RXRA: variants seen among roughly 807,000 people sequenced by gnomAD.
RXRA encodes retinoid X receptor alpha.
Under a neutral mutation model 44.5 loss-of-function variants are expected in RXRA, and 5 were observed. That is an observed-to-expected ratio of 0.11 (90% CI 0.06 to 0.24). RXRA has a LOEUF of 0.24. RXRA is among the 10% of genes least tolerant of loss of function. The probability of loss-of-function intolerance (pLI) is 1.00; values close to 1 mark genes in which losing one functional copy is unlikely to be tolerated. For synonymous variants in RXRA, 291 were observed against 271.4 expected, an observed-to-expected ratio of 1.07 and a Z score of -0.71; for missense variants, 412 against 646.5, an observed-to-expected ratio of 0.64 and a Z score of 3.93.
chr9:134,417,531 A>G lies in RXRA; in HGVS notation c.780+204A>G, dbSNP rs542439596. Among the ~76,000 whole-genome samples the G allele has an allele frequency of 2.8e-4, 43 of 152,074 alleles. No homozygotes were observed. Among genetic ancestry groups the G allele is most frequent in the African/African-American group, 9.6e-4 (40 of 41,504 alleles). On this transcript the variant is annotated intron_variant, in intron 5 of 9. Transcript: ENST00000481739. This position sits in a 1 kb window ranked among gnomAD's most constrained non-coding sequence, Gnocchi z 6.1. Reference sequence around the variant, plus strand: ...GGGCGGCACTCTCCTCTCCTGGCCCATGCACGAGTAGCCCATGGGGCAGGG... The same window carrying G: ...GGGCGGCACTCTCCTCTCCTGGCCCGTGCACGAGTAGCCCATGGGGCAGGG...
intron 1 of RXRA, among the ~76,000 whole-genome samples, chr9:134,330,233 C>T (rs894606114): frequency 3.2e-4 from 49 of 152,202 alleles, no homozygotes; most frequent in African/African-American, 1.0e-3. Flanking sequence ...CCCTGGGACC[C>T]GGGCTTTGCA....
At chr9:134,339,892 AGCCTGTGTGT>A (rs1443145699) in intron 1 of RXRA, among the ~76,000 whole-genome samples, 1 of 147,458 alleles carries the variant, frequency 6.8e-6, no homozygotes, top group African/African-American at 2.5e-5. Flanking sequence ...CCCTTGTGTG[AGCCTGTGTGT>A]GTCTGTGTGT....
intron 1 of RXRA, among the ~76,000 whole-genome samples, chr9:134,387,158 A>G (rs1830732156): frequency 6.6e-6 from 1 of 152,166 alleles, no homozygotes; most frequent in Non-Finnish European, 1.5e-5. Flanking sequence ...GAGGGTCCCC[A>G]CACCCATCCT....
intron 4 of RXRA, among the ~76,000 whole-genome samples, chr9:134,412,568 G>A (rs142310145): frequency 7.0e-4 from 106 of 152,350 alleles, no homozygotes; most frequent in Non-Finnish European, 1.1e-3. Context: ...AATGGGGCCT[G>A]CACGCGCAGG....
In RXRA at chr9:134,359,705, G is replaced by A. The variant is rs1041997837; in HGVS notation, c.28+33046G>A. 6.3e-4 allele frequency among the ~76,000 whole-genome samples: 95 copies of A among 151,920 alleles called. 1 individual carries two copies. Among genetic ancestry groups the A allele is most frequent in the African/African-American group, 1.9e-3 (80 of 41,522 alleles). ...CACACAGGCTGAGGGCAGGGGAAGC[G>A]TGGCCCTGGAGCCACGTGTGGCCCT... On this transcript the variant is annotated intron_variant, in intron 1 of 9. Coordinates refer to ENST00000481739, the MANE Select transcript of RXRA (RefSeq NM_002957.6).
At chr9:134,386,234 C>T (rs897913455) in intron 1 of RXRA, among the ~76,000 whole-genome samples, 10 of 152,266 alleles carry the variant, frequency 6.6e-5, no homozygotes, top group Non-Finnish European at 1.0e-4. Flanking sequence ...GCTGCATCAC[C>T]CGAGGCTGTG....
At chr9:134,431,356 G>T (rs35603635) in intron 7 of RXRA, among the ~76,000 whole-genome samples, 4,813 of 152,332 alleles carry the variant, frequency 0.032, 109 homozygotes, top group East Asian at 0.1. Context: ...GAGGCTGGTG[G>T]ATTTTTTTTC....
intron 4 of RXRA, among the ~76,000 whole-genome samples, chr9:134,415,301 C>T (rs3118541): frequency 0.7 from 106,823 of 151,988 alleles, 37,720 homozygotes; most frequent in African/African-American, 0.76. Context: ...ACCCTGGGCC[C>T]GGGGGTGTGA....
chr9:134,362,641 C>T (rs552754065), intron 1 of RXRA, among the ~76,000 whole-genome samples: 12 of 152,356 alleles, frequency 7.9e-5, no homozygotes, highest in South Asian at 4.1e-4. Flanking sequence ...GGGCTGGGCA[C>T]GGGGCTGACG....
In RXRA at chr9:134,362,522, C is replaced by G. The variant is rs1013748723; in HGVS notation, c.28+35863C>G. On this transcript the variant is annotated intron_variant, in intron 1 of 9. Transcript: ENST00000481739. ...TTCAAGGGGGCAGGAGCCGAGTCTG[C>G]CTCGTGGTCACAGCATGGTGCTGGC... Among the ~76,000 whole-genome samples, 6 of 152,252 alleles carry G rather than the reference C, an allele frequency of 3.9e-5. No individual in the cohort carries two copies. The South Asian group carries it at 1.2e-3, about 31-fold the overall frequency.
chr9:134,422,129 C>G, intron 6 of RXRA: 1 of 1,322,470 alleles, frequency 7.6e-7, no homozygotes, highest in Non-Finnish European at 9.9e-7. Context: ...CCGGGACACT[C>G]CCCACTCCTG....
chr9:134,368,809 ATG>A (rs1444612142), intron 1 of RXRA, among the ~76,000 whole-genome samples: 2 of 147,650 alleles, frequency 1.4e-5, no homozygotes, highest in Non-Finnish European at 3.0e-5. Context: ...TGCATGTGAG[ATG>A]TGTGTGTGCT....
intron 1 of RXRA, among the ~76,000 whole-genome samples, chr9:134,332,289 T>C (rs1554746755): frequency 6.6e-6 from 1 of 152,106 alleles, no homozygotes; most frequent in East Asian, 1.9e-4. Flanking sequence ...CGGAGTGAGA[T>C]TGGACCCCCG....
chr9:134,424,776 G>T, intron 6 of RXRA: 1 of 985,490 alleles, frequency 1.0e-6, no homozygotes, highest in Non-Finnish European at 1.2e-6. Flanking sequence ...GTTGGCTGAA[G>T]GACTCTGTCC....
intron 1 of RXRA, among the ~76,000 whole-genome samples, chr9:134,363,756 A>G (rs1830381613): frequency 6.6e-6 from 1 of 152,188 alleles, no homozygotes; most frequent in African/African-American, 2.4e-5. Flanking sequence ...TGGGAGGCCC[A>G]GGCCGCCCTG....
chr9:134,428,084 T>C (rs1338567246), intron 6 of RXRA, among the ~76,000 whole-genome samples: 1 of 152,190 alleles, frequency 6.6e-6, no homozygotes. Flanking sequence ...CGAGGGTCCC[T>C]GTTTCTTCCT....
At chr9:134,335,047 T>C (rs1554747125) in intron 1 of RXRA, among the ~76,000 whole-genome samples, 2 of 152,174 alleles carry the variant, frequency 1.3e-5, no homozygotes, top group African/African-American at 4.8e-5. Context: ...CTTCTCTCTT[T>C]GGGCACTGAC....
At chr9:134,382,247 G>C (rs1830657747) in intron 1 of RXRA, among the ~76,000 whole-genome samples, 1 of 151,802 alleles carries the variant, frequency 6.6e-6, no homozygotes, top group African/African-American at 2.4e-5. Flanking sequence ...CGCATGTGGG[G>C]AGGAAGGAAG....
rs1263560377 is a variant in RXRA, at chr9:134,349,966, G to GCTGGGACCCCTTCCCCAAGC, written c.28+23309_28+23328dup. ...TGGTGTCTGGAGGTCCCCAGGCACT[G>GCTGGGACCCCTTCCCCAAGC]CTGGGACCCCTTCCCCAAGCCCAGG... is the stretch of plus-strand genomic sequence containing the variant. On this transcript the variant is annotated intron_variant, in intron 1 of 9. Transcript: ENST00000481739. This position sits in a 1 kb window ranked among gnomAD's most constrained non-coding sequence, Gnocchi z 4.3. Among the ~76,000 whole-genome samples, 14 of 151,980 alleles carry GCTGGGACCCCTTCCCCAAGC rather than the reference G, an allele frequency of 9.2e-5. No homozygotes were observed. Among genetic ancestry groups the GCTGGGACCCCTTCCCCAAGC allele is most frequent in the African/African-American group, 3.4e-4 (14 of 41,302 alleles).
Sources: allele counts gnomAD v4.1 joint callset (sites outside exome capture counted in the v4.1 genomes callset), GRCh38; gene constraint gnomAD v4.1.1; non-coding constraint Gnocchi (gnomAD v3.1); transcripts MANE v1.5; gene names NCBI Gene and HGNC (gene_info 2026-07-23, HGNC 2026-07-21).